Variants in SHTN1 observed in about 807,000 individuals in gnomAD.
The protein encoded by SHTN1 is shootin-1.
Under a neutral mutation model 83.1 loss-of-function variants are expected in SHTN1, and 42 were observed. The ratio of observed to expected loss-of-function variants is 0.51; its 90% confidence interval spans 0.39 to 0.65. The LOEUF (loss-of-function observed/expected upper bound fraction) is 0.65, where lower values mean the gene tolerates loss of function less well. Among genes scored for constraint, SHTN1 ranks in the 30% least tolerant of loss-of-function variants. The pLI is 0.00. For synonymous variants in SHTN1, 224 were observed against 247.7 expected, an observed-to-expected ratio of 0.90 and a Z score of 0.90; for missense variants, 622 against 737.8, an observed-to-expected ratio of 0.84 and a Z score of 1.82.
At chr10:117,068,742 C>T (rs914158807) in intron 1 of SHTN1, among the ~76,000 whole-genome samples, 2 of 151,994 alleles carry the variant, frequency 1.3e-5, no homozygotes, top group African/African-American at 4.8e-5. Flanking sequence ...ACTTCAAAGC[C>T]CTCATGAAAT....
chr10:117,082,993 T>C (rs897770843), intron 1 of SHTN1, among the ~76,000 whole-genome samples: 6 of 150,308 alleles, frequency 4.0e-5, no homozygotes, highest in Non-Finnish European at 6.0e-5. Flanking sequence ...TTATCCAATT[T>C]GCCAGTCTGT....
At chr10:116,907,002 A>T (rs1001394137) in intron 14 of SHTN1, among the ~76,000 whole-genome samples, 3 of 152,218 alleles carry the variant, frequency 2.0e-5, no homozygotes, top group Admixed American at 2.0e-4. Flanking sequence ...CACTTCTGGA[A>T]GAGGTGACTA....
chr10:116,901,118 T>A (rs929340433), intron 16 of SHTN1: 1 of 985,376 alleles, frequency 1.0e-6, no homozygotes, highest in Non-Finnish European at 1.2e-6. Flanking sequence ...CTAGCTGACA[T>A]CCTGGCAAGA....
chr10:117,012,845 CATATT>C (rs1023504068), intron 2 of SHTN1, among the ~76,000 whole-genome samples: 13 of 152,132 alleles, frequency 8.5e-5, no homozygotes, highest in Admixed American at 7.2e-4. Flanking sequence ...TTAAAAATCA[CATATT>C]AATATTTTGT....
intron 2 of SHTN1, among the ~76,000 whole-genome samples, chr10:117,017,861 G>A (rs1407958697): frequency 6.6e-6 from 1 of 152,106 alleles, no homozygotes; most frequent in African/African-American, 2.4e-5. Flanking sequence ...TTGATATGAC[G>A]CAATGAGAAA....
intron 13 of SHTN1, among the ~76,000 whole-genome samples, chr10:116,912,145 A>G (rs985129038): frequency 6.6e-6 from 1 of 152,234 alleles, no homozygotes. Flanking sequence ...TTTGGTAGAC[A>G]TCGGATTTCA....
intron 1 of SHTN1, among the ~76,000 whole-genome samples, chr10:116,990,007 G>A (rs1375311264): frequency 6.6e-6 from 1 of 152,158 alleles, no homozygotes; most frequent in African/African-American, 2.4e-5. Flanking sequence ...GAACAGAACA[G>A]GCAGAAGCTG....
chr10:117,001,840 C>T (rs1332189961), intron 1 of SHTN1, among the ~76,000 whole-genome samples: 2 of 151,806 alleles, frequency 1.3e-5, no homozygotes, highest in African/African-American at 2.4e-5. Context: ...AACAAAATAC[C>T]CCATGTCTTC....
At chr10:116,996,823 C>A (rs1851643521) in intron 1 of SHTN1, among the ~76,000 whole-genome samples, 1 of 152,196 alleles carries the variant, frequency 6.6e-6, no homozygotes, top group Non-Finnish European at 1.5e-5. Flanking sequence ...TAAATCTGTT[C>A]TTTTCTGCTG....
At chr10:117,073,449 T>C (rs927328926) in intron 1 of SHTN1, among the ~76,000 whole-genome samples, 1 of 152,244 alleles carries the variant, frequency 6.6e-6, no homozygotes, top group Non-Finnish European at 1.5e-5. Flanking sequence ...AGATAGATGA[T>C]GTGCAATGGT....
rs771681541 is a variant in SHTN1, at chr10:116,929,949, G to T, written c.912C>A (p.His304Gln). ...GAAGCTCCAGTTGCTGTTTGAGGTT[G>T]TGTATTTCTTTGTGGAGTGTTTCAT... ...LENETLHKEI[H>Q]NLKQQLELLE... Residue 304 changes from histidine to glutamine, a missense_variant, in exon 10 of 17, where the codon CAC becomes CAA. Around this residue, in one of 3 missense-constraint regions of SHTN1, gnomAD observed 383 missense variants for 455.8 expected, o/e 0.84. Coordinates refer to ENST00000355371, the MANE Select transcript of SHTN1 (RefSeq NM_001127211.3). 1 of 1,606,340 alleles carries T rather than the reference G, an allele frequency of 6.2e-7. No individual in the cohort carries two copies. Among genetic ancestry groups the T allele is most frequent in the Non-Finnish European group, 8.5e-7 (1 of 1,175,320 alleles).
At position 116,964,222 on chromosome 10, in the gene SHTN1, T is replaced by C. The variant is rs562573634; in HGVS notation, c.173-3992A>G. On this transcript the variant is annotated intron_variant, in intron 3 of 16. Transcript: ENST00000355371. ...TCGCCATTTGTTGAGCCTGACTATGTGTCCAGCCTTGTGCTAAACTCTTTA... is the reference window on the plus strand; with the variant it reads ...TCGCCATTTGTTGAGCCTGACTATGCGTCCAGCCTTGTGCTAAACTCTTTA... 7.2e-5 allele frequency among the ~76,000 whole-genome samples: 11 copies of C among 152,338 alleles called. No individual in the cohort carries two copies. The East Asian group carries it at 1.7e-3, about 24-fold the overall frequency.
intron 2 of SHTN1, among the ~76,000 whole-genome samples, chr10:117,039,152 T>C (rs1326482492): frequency 6.6e-6 from 1 of 152,206 alleles, no homozygotes; most frequent in Admixed American, 6.5e-5. Context: ...TGGAATATTA[T>C]TCAGCACTAA....
intron 1 of SHTN1, among the ~76,000 whole-genome samples, chr10:117,085,244 T>G (rs956165835): frequency 7.9e-5 from 12 of 152,254 alleles, no homozygotes; most frequent in African/African-American, 2.4e-4. Context: ...TTATCGATTT[T>G]GGACCTTCCT....
intron 16 of SHTN1, among the ~76,000 whole-genome samples, chr10:116,899,145 C>G (rs1847629683): frequency 6.6e-6 from 1 of 151,838 alleles, no homozygotes; most frequent in Non-Finnish European, 1.5e-5. Context: ...GTAGACAAAA[C>G]AGGAAAAAAT....
At chr10:116,959,492 T>C (rs1383392779) in intron 4 of SHTN1, among the ~76,000 whole-genome samples, 3 of 152,174 alleles carry the variant, frequency 2.0e-5, no homozygotes, top group Non-Finnish European at 4.4e-5. Context: ...GGTTGAAAAT[T>C]GCTGTAATCC....
At chr10:116,886,665 T>C in intron 16 of SHTN1, 99 bp from the exon 17 acceptor site, 2 of 1,512,482 alleles carry the variant, frequency 1.3e-6, no homozygotes, top group Non-Finnish European at 1.8e-6. Context: ...CCCAAAATGT[T>C]CTAAGTCTAA....
intron 1 of SHTN1, among the ~76,000 whole-genome samples, chr10:117,069,778 A>G (rs1458707795): frequency 1.3e-5 from 2 of 152,192 alleles, no homozygotes; most frequent in Admixed American, 6.5e-5. Flanking sequence ...GAGATAACAC[A>G]TGCCATTTTT....
chr10:116,976,552 A>G (rs776547165), intron 2 of SHTN1, among the ~76,000 whole-genome samples: 2 of 152,316 alleles, frequency 1.3e-5, no homozygotes, highest in African/African-American at 2.4e-5. Flanking sequence ...GGGGCCATGA[A>G]TGAAAGGATG....
Sources: allele counts gnomAD v4.1 joint callset (sites outside exome capture counted in the v4.1 genomes callset), GRCh38; gene constraint gnomAD v4.1.1; regional missense constraint gnomAD v4.1.1; transcripts MANE v1.5; gene names NCBI Gene and HGNC (gene_info 2026-07-23, HGNC 2026-07-21).